AOPEP: variants seen among roughly 807,000 people sequenced by gnomAD.
AOPEP encodes aminopeptidase O (putative), also known as aminopeptidase O.
A neutral mutation model predicts 98.1 loss-of-function variants in AOPEP; 77 were observed. The ratio of observed to expected loss-of-function variants is 0.78; its 90% CI spans 0.65 to 0.95. The LOEUF is 0.95. Among genes scored for constraint, AOPEP ranks in the 40% least tolerant of loss-of-function variants. AOPEP has a pLI of 0.00. For synonymous variants in AOPEP, 346 were observed against 365.3 expected (o/e 0.95, Z 0.60); for missense variants, 1,024 against 1,024.7 (o/e 1.00, Z 0.01).
the AOPEP span, chr9:95,107,017 G>A: frequency 4.0e-5 from 63 of 1,592,528 alleles, no homozygotes; most frequent in African/African-American, 8.1e-5. Context: ...CCCACCTCTC[G>A]CCTGGAGCAG....
chr9:95,092,937 G>A, the AOPEP span, among the ~76,000 whole-genome samples: 1 of 152,166 alleles, frequency 6.6e-6, no homozygotes, highest in Non-Finnish European at 1.5e-5. Context: ...TATGATTTAA[G>A]TCCCCAGGGA....
rs573007522 is a variant in AOPEP at position 95,057,242 on chromosome 9, A to G, written c.2116-3452A>G. Among the ~76,000 whole-genome samples, 228 of 152,350 alleles carry G rather than the reference A, an allele frequency of 1.5e-3. 2 individuals are homozygous for G. The highest frequency in any genetic ancestry group is 5.2e-3 in the African/African-American group (218 of 41,568). On this transcript the variant is annotated intron_variant, in intron 13 of 16. Transcript: ENST00000375315. ...ATCTCTCTCCCGCCAGTGCTGCTGT[A>G]TTAAACACAGCTGGCCTTTCAGTCT... is the stretch of plus-strand genomic sequence containing the variant.
intron 5 of AOPEP, among the ~76,000 whole-genome samples, chr9:94,898,138 C>T (rs2049841170): frequency 3.3e-5 from 5 of 152,022 alleles, no homozygotes; most frequent in Admixed American, 2.6e-4. Context: ...CTGTGCCCAG[C>T]CTAAAAGTAT....
intron 11 of AOPEP, among the ~76,000 whole-genome samples, chr9:95,000,729 C>T (rs1226996678): frequency 6.6e-6 from 1 of 152,010 alleles, no homozygotes; most frequent in Non-Finnish European, 1.5e-5. Context: ...AATAAATAAA[C>T]CAAATTTAAA....
intron 9 of AOPEP, among the ~76,000 whole-genome samples, chr9:94,961,597 C>T (rs2058847067): frequency 6.6e-6 from 1 of 152,102 alleles, no homozygotes. Context: ...TGTACTGGTC[C>T]TTAATTTATT....
the AOPEP span, among the ~76,000 whole-genome samples, chr9:95,140,488 A>G: frequency 4.6e-5 from 7 of 152,176 alleles, no homozygotes; most frequent in Admixed American, 2.0e-4. Flanking sequence ...AAACAAAACA[A>G]AACAAAACAA....
intron 7 of AOPEP, among the ~76,000 whole-genome samples, chr9:94,946,733 A>G (rs1380738562): frequency 6.6e-6 from 1 of 152,088 alleles, no homozygotes; most frequent in Non-Finnish European, 1.5e-5. Context: ...TAGCATATAT[A>G]CCGCATGCCT....
At chr9:95,006,274 T>C in intron 13 of AOPEP, 1 of 343,904 alleles carries the variant, frequency 2.9e-6, no homozygotes, top group South Asian at 2.4e-5. Context: ...GAATAATTTT[T>C]TGACAAATAT....
In AOPEP at chr9:95,035,492, C is replaced by T. The variant is rs116653732; in HGVS notation, c.2116-25202C>T. On this transcript the variant is annotated intron_variant, in intron 13 of 16. Coordinates refer to ENST00000375315, the MANE Select transcript of AOPEP (RefSeq NM_001193329.3). ...TGTTTTTTAAAATAAATCTCTTTGACACCAGCTTCAGATAATTTTTTTTTT... is the reference window on the plus strand; with the variant it reads ...TGTTTTTTAAAATAAATCTCTTTGATACCAGCTTCAGATAATTTTTTTTTT... Among the ~76,000 whole-genome samples the T allele has an allele frequency of 6.8e-3, 996 of 145,834 alleles. 10 individuals are homozygous for T. Among genetic ancestry groups the T allele is most frequent in the African/African-American group, 0.024 (946 of 39,656 alleles).
In AOPEP at chr9:94,845,479, T is replaced by C. The variant is rs58960897; in HGVS notation, c.1364+44477T>C. Among the ~76,000 whole-genome samples, 1,007 of 152,232 alleles carry C rather than the reference T, an allele frequency of 6.6e-3. 8 individuals are homozygous for C. The highest frequency in any genetic ancestry group is 0.023 in the African/African-American group (970 of 41,532). ...GAGTAACACGATTTGAGGTGTGCCT[T>C]GAAAAGATCATGCTGGGTGGATACC... is the stretch of plus-strand genomic sequence containing the variant. On this transcript the variant is annotated intron_variant, in intron 5 of 16. Transcript: ENST00000375315.
intron 5 of AOPEP, among the ~76,000 whole-genome samples, chr9:94,822,148 G>C (rs1853374407): frequency 6.6e-6 from 1 of 152,206 alleles, no homozygotes; most frequent in Non-Finnish European, 1.5e-5. Flanking sequence ...TAGAAGGGCT[G>C]AGAGGCCCAG....
Position 94,741,344 on chromosome 9 carries a change from C to A in AOPEP, c.-136+14593C>A, listed in dbSNP as rs541640375. Reference sequence around the variant, plus strand: ...CTGGAGTGCAGTGGTGCGATCTCGGCTCACTGCAAGCTCCGCCTCCCAGGT... The same window carrying A: ...CTGGAGTGCAGTGGTGCGATCTCGGATCACTGCAAGCTCCGCCTCCCAGGT... On this transcript the variant is annotated intron_variant, in intron 1 of 16. Transcript: ENST00000375315. Among the ~76,000 whole-genome samples the A allele has an allele frequency of 1.3e-4, 19 of 151,910 alleles. No individual in the cohort carries two copies. The East Asian group carries it at 3.7e-3, about 29-fold the overall frequency.
chr9:95,005,170 G>C lies in AOPEP; in HGVS notation c.1990G>C (p.Glu664Gln). Reference protein sequence around the residue: ...SSGIPKPLQRERRAGAECGLA... With the variant: ...SSGIPKPLQRQRRAGAECGLA... ...TCTTCCCCCGCAGCCGCTGCAGAGG[G>C]AGCGTCGCGCCGGGGCGGAGTGCGG... The change falls in exon 12 of 17, where the codon GAG (glutamate) becomes CAG (glutamine). Residue 664 changes from glutamate (E) to glutamine (Q), a missense_variant. By Grantham distance (29) the Glu-to-Gln change is conservative (BLOSUM62 2). Around this residue, in one of 3 missense-constraint regions of AOPEP, gnomAD observed 566 missense variants for 551.7 expected, o/e 1.03. Transcript: ENST00000375315. 1 of 1,154,048 alleles carries C rather than the reference G, an allele frequency of 8.7e-7. No individual in the cohort carries two copies. 71.5% of individuals were successfully genotyped at this position (1,154,048 alleles called of 1,614,324 possible).
intron 14 of AOPEP, among the ~76,000 whole-genome samples, chr9:95,061,991 C>G (rs886894490): frequency 6.6e-6 from 1 of 152,098 alleles, no homozygotes; most frequent in African/African-American, 2.4e-5. Context: ...GGGTGGAGTA[C>G]CACCAAACCT....
chr9:94,736,057 A>C (rs1831686371), intron 1 of AOPEP, among the ~76,000 whole-genome samples: 1 of 152,128 alleles, frequency 6.6e-6, no homozygotes, highest in African/African-American at 2.4e-5. Flanking sequence ...CATTTTGTTG[A>C]TCCATTCATC....
intron 14 of AOPEP, among the ~76,000 whole-genome samples, chr9:95,062,045 A>G (rs1469054763): frequency 6.6e-6 from 1 of 152,252 alleles, no homozygotes; most frequent in Non-Finnish European, 1.5e-5. Context: ...GGGGAGGATC[A>G]GAGCAGGCAC....
At chr9:94,805,274 TG>T (rs1485711722) in intron 5 of AOPEP, among the ~76,000 whole-genome samples, 2 of 152,102 alleles carry the variant, frequency 1.3e-5, no homozygotes, top group Non-Finnish European at 2.9e-5. Context: ...GAATTCTCCA[TG>T]GCTGAAGCTA....
At chr9:94,821,844 A>G (rs997006200) in intron 5 of AOPEP, among the ~76,000 whole-genome samples, 3 of 152,216 alleles carry the variant, frequency 2.0e-5, no homozygotes, top group Admixed American at 2.0e-4. Context: ...AGGCATGACA[A>G]TAAGAACAAA....
chr9:95,103,732 G>C, the AOPEP span, among the ~76,000 whole-genome samples: 1 of 152,208 alleles, frequency 6.6e-6, no homozygotes, highest in African/African-American at 2.4e-5. Context: ...GGGACAGCCG[G>C]GGAGTGGGCC....
Sources: gnomAD v4.1 joint callset for allele counts (sites outside exome capture counted in the v4.1 genomes callset) on GRCh38, gnomAD v4.1.1 for gene constraint, gnomAD v4.1.1 regional missense constraint, MANE v1.5 for transcripts, NCBI Gene and HGNC (gene_info 2026-07-23, HGNC 2026-07-21) for gene names.